The following PRAG1 variants were observed in gnomAD, a reference collection of about 807,000 sequenced individuals.
PRAG1 encodes inactive tyrosine-protein kinase PRAG1.
PRAG1 carries 110 observed loss-of-function variants against 95.6 expected under a neutral mutation model. The ratio of observed to expected loss-of-function variants is 1.15; its 90% CI spans 0.99 to 1.35. PRAG1 has a LOEUF of 1.35. Ranked by LOEUF, PRAG1 falls within the 40% of genes most tolerant of loss-of-function variation. The pLI, the probability that PRAG1 is intolerant of heterozygous loss-of-function variation, is 0.00. For missense variants in PRAG1, 2,554 were observed against 1,864.7 expected (o/e 1.37, Z -6.81); for synonymous variants, 1,052 against 819.4 (o/e 1.28, Z -4.85).
rs749348322 is a variant in PRAG1 at position 8,328,166 on chromosome 8, G to C, written c.2616C>G (p.His872Gln). The C allele has an allele frequency of 4.3e-6, 7 of 1,614,104 alleles. No homozygotes were observed. In the Admixed American group the frequency reaches 6.7e-5, roughly 15 times the overall value. The change falls in exon 5 of 6, where the codon CAC becomes CAG. Residue 872 changes from histidine to glutamine, a missense_variant. Coordinates refer to ENST00000615670, the MANE Select transcript of PRAG1 (RefSeq NM_001080826.3). ...GATCGGAAGAGGAGAAGACAGGATGGTGGCGGTTCCCGGGGCTCAACGAAT... is the reference window on the plus strand; with the variant it reads ...GATCGGAAGAGGAGAAGACAGGATGCTGGCGGTTCCCGGGGCTCAACGAAT... ...FSYSLSPGNRHHPVFSSSDPL... is the reference protein window; with the variant it reads ...FSYSLSPGNRQHPVFSSSDPL...
At chr8:8,329,408 T>C (rs1798749792) in intron 4 of PRAG1, among the ~76,000 whole-genome samples, 1 of 151,604 alleles carries the variant, frequency 6.6e-6, no homozygotes, top group African/African-American at 2.4e-5. Context: ...ATAATAATAA[T>C]GGGTTGCAGC....
intron 2 of PRAG1, among the ~76,000 whole-genome samples, chr8:8,380,741 T>C (rs923505996): frequency 6.7e-6 from 1 of 149,976 alleles, no homozygotes; most frequent in Admixed American, 6.7e-5. Flanking sequence ...TAATCCCAGC[T>C]ACTCAGGAGG....
At chr8:8,375,112 T>A (rs989508029) in intron 3 of PRAG1, among the ~76,000 whole-genome samples, 10 of 151,830 alleles carry the variant, frequency 6.6e-5, no homozygotes, top group Non-Finnish European at 1.3e-4. Context: ...CTCGAGTCTT[T>A]AAAAGGTACT....
At chr8:8,353,988 A>G (rs1323176396) in intron 3 of PRAG1, among the ~76,000 whole-genome samples, 2 of 152,112 alleles carry the variant, frequency 1.3e-5, no homozygotes, top group African/African-American at 4.8e-5. Context: ...AAAAAAGTCA[A>G]TAGAACTGAG....
intron 3 of PRAG1, among the ~76,000 whole-genome samples, chr8:8,372,735 C>G (rs1402659679): frequency 6.6e-6 from 1 of 152,170 alleles, no homozygotes; most frequent in African/African-American, 2.4e-5. Context: ...TAAGCTACTG[C>G]CAAACATTCA....
Position 8,327,697 on chromosome 8 carries a change from G to T in PRAG1, c.3072+13C>A, listed in dbSNP as rs764036152. On this transcript the variant is annotated intron_variant, in intron 5 of 5. Transcript: ENST00000615670. The stretch of plus-strand genomic sequence containing the variant: ...AGTGGCACAGCAGAATGCAAGGAGG[G>T]AGTGGTACCTACTTTCACAGCATAG... 6.2e-7 allele frequency: 1 copy of T among 1,600,658 alleles called. No homozygotes were observed. The highest frequency in any genetic ancestry group is 2.2e-5 in the East Asian group (1 of 44,718).
At chr8:8,385,642 A>C (rs557737305) in intron 1 of PRAG1, among the ~76,000 whole-genome samples, 10 of 152,222 alleles carry the variant, frequency 6.6e-5, no homozygotes, top group Non-Finnish European at 1.3e-4. Context: ...AACCATGTGC[A>C]GGGAGAGCTT....
chr8:8,349,813 T>C lies in PRAG1; in HGVS notation c.2163-10178A>G, dbSNP rs148456896. On this transcript the variant is annotated intron_variant, in intron 3 of 5. Coordinates refer to ENST00000615670, the MANE Select transcript of PRAG1 (RefSeq NM_001080826.3). Reference sequence around the variant, plus strand: ...CCTGTTAATTTGCATTTTCAGTTAATGCACTAGTGACTCTTCTGGAGCTCT... The same window carrying C: ...CCTGTTAATTTGCATTTTCAGTTAACGCACTAGTGACTCTTCTGGAGCTCT... Among the ~76,000 whole-genome samples, 42 of 152,274 alleles carry C rather than the reference T, an allele frequency of 2.8e-4. No individual in the cohort carries two copies. The East Asian group carries it at 4.1e-3, about 15-fold the overall frequency.
chr8:8,317,929 G>A lies in PRAG1; in HGVS notation c.*225C>T, dbSNP rs930455253. 7 of 338,604 alleles carry A rather than the reference G, an allele frequency of 2.1e-5. No individual in the cohort carries two copies. The highest frequency in any genetic ancestry group is 8.5e-5 in the African/African-American group (4 of 47,232). 21.0% of individuals were successfully genotyped at this position (338,604 alleles called of 1,614,324 possible). A position where few individuals can be genotyped will look rare whatever the true frequency, so the allele number is the denominator to read the frequency against. On this transcript the variant is annotated 3_prime_UTR_variant, in exon 6 of 6. Coordinates refer to ENST00000615670, the MANE Select transcript of PRAG1 (RefSeq NM_001080826.3). Reference sequence around the variant, plus strand: ...TGTGTATAATTACAGAAGAAAACAGGGAGGACTTAGTGCAGAGAGGAGACG... The same window carrying A: ...TGTGTATAATTACAGAAGAAAACAGAGAGGACTTAGTGCAGAGAGGAGACG...
chr8:8,384,585 C>G (rs2116958139), intron 1 of PRAG1, among the ~76,000 whole-genome samples: 1 of 106,458 alleles, frequency 9.4e-6, no homozygotes, highest in South Asian at 3.2e-4. Context: ...TCGCAGCAAA[C>G]AGAATTTACC....
At chr8:8,374,773 G>C in intron 3 of PRAG1, 1 of 913,794 alleles carries the variant, frequency 1.1e-6, no homozygotes, top group Non-Finnish European at 1.3e-6. Flanking sequence ...CCAGAACAAA[G>C]TAGTGGTCAT....
Position 8,377,503 on chromosome 8 carries a change from C to A in PRAG1, c.906G>T (p.Lys302Asn). ...GKCSGPAEQEKRGPSFPKECC... is the reference protein window; with the variant it reads ...GKCSGPAEQENRGPSFPKECC... ...ACTCCTTGGGGAAGCTCGGGCCCCG[C>A]TTCTCCTGCTCTGCGGGCCCGGAAC... Residue 302 changes from lysine (K) to asparagine (N), a missense_variant, in exon 3 of 6, where the codon AAG becomes AAT. By Grantham distance (94) the Lys-to-Asn change is moderately conservative. Coordinates refer to ENST00000615670, the MANE Select transcript of PRAG1 (RefSeq NM_001080826.3). 2 of 1,558,530 alleles carry A rather than the reference C, an allele frequency of 1.3e-6. No homozygotes were observed. Among genetic ancestry groups the A allele is most frequent in the Admixed American group, 1.9e-5 (1 of 53,426 alleles).
intron 2 of PRAG1, among the ~76,000 whole-genome samples, chr8:8,380,194 G>C (rs1800585539): frequency 6.6e-6 from 1 of 152,170 alleles, no homozygotes. Context: ...AGGATCACTT[G>C]AGCCTGGGAG....
intron 4 of PRAG1, among the ~76,000 whole-genome samples, chr8:8,336,122 G>A (rs893757470): frequency 6.6e-6 from 1 of 152,140 alleles, no homozygotes; most frequent in Non-Finnish European, 1.5e-5. Flanking sequence ...TGTATTTTCA[G>A]ACTTCTTATC....
chr8:8,367,092 T>C (rs980775789), intron 3 of PRAG1, among the ~76,000 whole-genome samples: 1 of 152,152 alleles, frequency 6.6e-6, no homozygotes, highest in African/African-American at 2.4e-5. Flanking sequence ...AAATAGATGA[T>C]GGCCAGCATT....
At chr8:8,369,280 A>T (rs62496029) in intron 3 of PRAG1, among the ~76,000 whole-genome samples, 1 of 152,068 alleles carries the variant, frequency 6.6e-6, no homozygotes. Flanking sequence ...TGGAAAAGTC[A>T]AGGAAGAATG....
intron 4 of PRAG1, among the ~76,000 whole-genome samples, chr8:8,334,172 A>G (rs1335230628): frequency 1.3e-5 from 2 of 152,260 alleles, no homozygotes; most frequent in East Asian, 3.8e-4. Context: ...GGCCGGGCTC[A>G]GTGACTCATG....
chr8:8,382,024 T>A (rs1411115254), intron 1 of PRAG1, among the ~76,000 whole-genome samples, 190 bp from the exon 2 acceptor site: 3 of 152,180 alleles, frequency 2.0e-5, no homozygotes, highest in African/African-American at 7.2e-5. Context: ...TGTGGCCTTA[T>A]CAGAAGCTGT....
At chr8:8,381,939 A>T in intron 1 of PRAG1, 105 bp from the exon 2 acceptor site, 1 of 535,868 alleles carries the variant, frequency 1.9e-6, no homozygotes, top group South Asian at 3.0e-5. Context: ...GAGGAGAAAA[A>T]GGTAAAGATT....
Sources: allele counts gnomAD v4.1 joint callset (sites outside exome capture counted in the v4.1 genomes callset), GRCh38; gene constraint gnomAD v4.1.1; transcripts MANE v1.5; gene names NCBI Gene and HGNC (gene_info 2026-07-23, HGNC 2026-07-21).